Variants in CLVS1 observed in about 807,000 individuals in gnomAD.
CLVS1 encodes the protein clavesin 1.
A neutral mutation model predicts 33.1 loss-of-function variants in CLVS1; 10 were observed. The ratio of observed to expected loss-of-function variants is 0.30; its 90% CI spans 0.19 to 0.51. The LOEUF (loss-of-function observed/expected upper bound fraction) is 0.51, where lower values mean the gene tolerates loss of function less well. CLVS1 is among the 20% of genes least tolerant of loss of function. CLVS1 has a pLI of 0.97. For missense variants in CLVS1, 343 were observed against 433.4 expected (o/e 0.79, Z 1.85); for synonymous variants, 163 against 166.1 (o/e 0.98, Z 0.14).
chr8:61,174,678 C>A (rs906453001), intron 2 of CLVS1, among the ~76,000 whole-genome samples: 3 of 152,148 alleles, frequency 2.0e-5, no homozygotes, highest in Non-Finnish European at 4.4e-5. Flanking sequence ...AGAATAAAGT[C>A]ATGAATGTTA....
At chr8:61,185,185 C>A (rs1807319901) in intron 2 of CLVS1, among the ~76,000 whole-genome samples, 1 of 150,752 alleles carries the variant, frequency 6.6e-6, no homozygotes, top group Non-Finnish European at 1.5e-5. Context: ...GCTCCATCAG[C>A]CAGGCTAGAG....
At chr8:61,478,067 G>A (rs144839244) in intron 5 of CLVS1, among the ~76,000 whole-genome samples, 4,412 of 152,196 alleles carry the variant, frequency 0.029, 75 homozygotes, top group African/African-American at 0.056. Flanking sequence ...CCTTCATTTC[G>A]TTATGTACCC....
intron 2 of CLVS1, among the ~76,000 whole-genome samples, chr8:61,181,710 T>TG (rs1164894519): frequency 3.5e-5 from 5 of 143,948 alleles, no homozygotes; most frequent in African/African-American, 1.3e-4. Context: ...TTTTTTTTTT[T>TG]TTTTTTTGAG....
intron 2 of CLVS1, among the ~76,000 whole-genome samples, chr8:61,270,938 A>T (rs1217231048): frequency 6.6e-6 from 1 of 151,016 alleles, no homozygotes; most frequent in East Asian, 1.9e-4. Flanking sequence ...GCGGTCTATC[A>T]ATTTTGTTGA....
intron 5 of CLVS1, among the ~76,000 whole-genome samples, chr8:61,460,471 T>A (rs1817332367): frequency 6.6e-6 from 1 of 152,120 alleles, no homozygotes; most frequent in Non-Finnish European, 1.5e-5. Context: ...CCTTGAAATA[T>A]TACTAAGATT....
chr8:61,345,622 G>A (rs3221989), intron 2 of CLVS1, among the ~76,000 whole-genome samples: 6,846 of 53,518 alleles, frequency 0.13, 520 homozygotes, highest in African/African-American at 0.27. Flanking sequence ...GCCTCTAGGG[G>A]TGTGTGTGTG....
the CLVS1 span, among the ~76,000 whole-genome samples, chr8:60,982,368 G>T: frequency 2.0e-5 from 3 of 152,180 alleles, no homozygotes; most frequent in African/African-American, 7.2e-5. Context: ...CCAGATGCTG[G>T]AATGTTGACT....
intron 5 of CLVS1, among the ~76,000 whole-genome samples, chr8:61,480,236 T>G (rs529831796): frequency 1.7e-3 from 260 of 152,356 alleles, no homozygotes; most frequent in African/African-American, 6.1e-3. Context: ...TCCACCCAGT[T>G]CGAGCTTCCC....
the CLVS1 span, among the ~76,000 whole-genome samples, chr8:61,029,590 C>CT: frequency 0.012 from 1,834 of 147,586 alleles, 39 homozygotes; most frequent in African/African-American, 0.039. Flanking sequence ...AAACAAATTT[C>CT]TTTTTTTTTT....
intron 2 of CLVS1, among the ~76,000 whole-genome samples, chr8:61,327,125 A>G (rs1213196188): frequency 6.6e-6 from 1 of 152,234 alleles, no homozygotes; most frequent in Non-Finnish European, 1.5e-5. Flanking sequence ...AGGAATGTAG[A>G]CAGCATGAGA....
chr8:61,328,778 A>C (rs1811481327), intron 2 of CLVS1, among the ~76,000 whole-genome samples: 1 of 152,150 alleles, frequency 6.6e-6, no homozygotes, highest in South Asian at 2.1e-4. Flanking sequence ...CCTGGAAGCA[A>C]AGATTTGTCT....
At chr8:60,991,786 G>T in the CLVS1 span, among the ~76,000 whole-genome samples, 2 of 136,682 alleles carry the variant, frequency 1.5e-5, no homozygotes, top group Non-Finnish European at 3.1e-5. Context: ...TTGTTCCGTT[G>T]CCCAGGCTGG....
chr8:61,184,630 C>G (rs4033372), intron 2 of CLVS1, among the ~76,000 whole-genome samples: 24,340 of 152,132 alleles, frequency 0.16, 2,161 homozygotes, highest in Admixed American at 0.25. Context: ...GCTGGAGAGC[C>G]AGCAAAACGG....
intron 2 of CLVS1, among the ~76,000 whole-genome samples, chr8:61,154,900 G>A (rs143528186): frequency 2.9e-4 from 44 of 152,282 alleles, no homozygotes; most frequent in African/African-American, 8.9e-4. Context: ...GAAAAACAGA[G>A]AAAGCATGAG....
chr8:61,468,459 C>T (rs1817629615), intron 5 of CLVS1, among the ~76,000 whole-genome samples: 1 of 152,076 alleles, frequency 6.6e-6, no homozygotes, highest in Non-Finnish European at 1.5e-5. Flanking sequence ...ATATCTTGTC[C>T]TAGGATTCTT....
At chr8:61,003,871 C>T in the CLVS1 span, among the ~76,000 whole-genome samples, 1 of 152,240 alleles carries the variant, frequency 6.6e-6, no homozygotes, top group Non-Finnish European at 1.5e-5. Flanking sequence ...AATATAGATA[C>T]ACAATATTAG....
intron 2 of CLVS1, among the ~76,000 whole-genome samples, chr8:61,358,695 G>C (rs773070611): frequency 3.4e-4 from 52 of 152,284 alleles, no homozygotes; most frequent in Non-Finnish European, 6.0e-4. Flanking sequence ...GCCCAGAAGA[G>C]AGGCCACCCA....
At chr8:61,232,041 T>TTTTGTTTTTTTG (rs1808454261) in intron 2 of CLVS1, among the ~76,000 whole-genome samples, 2 of 116,004 alleles carry the variant, frequency 1.7e-5, no homozygotes, top group African/African-American at 4.8e-5. Flanking sequence ...TTTTTTTTTT[T>TTTTGTTTTTTTG]TTTTTTTTTG....
At chr8:61,219,373 C>T (rs1808162191) in intron 2 of CLVS1, among the ~76,000 whole-genome samples, 2 of 152,086 alleles carry the variant, frequency 1.3e-5, no homozygotes, top group Admixed American at 1.3e-4. Flanking sequence ...TGTTCAACTC[C>T]CACTTATGAG....
Sources: gnomAD v4.1 joint callset for allele counts (sites outside exome capture counted in the v4.1 genomes callset) on GRCh38, gnomAD v4.1.1 for gene constraint, MANE v1.5 for transcripts, NCBI Gene and HGNC (gene_info 2026-07-23, HGNC 2026-07-21) for gene names.